MCTP1: variants seen among roughly 807,000 people sequenced by gnomAD.
The protein encoded by MCTP1 is multiple C2 and transmembrane domain-containing protein 1.
A neutral mutation model predicts 120.6 loss-of-function variants in MCTP1; 69 were observed. The observed-to-expected ratio is 0.57, with a 90% CI of 0.47 to 0.70. The LOEUF (loss-of-function observed/expected upper bound fraction) is 0.70, where lower values mean the gene tolerates loss of function less well. Among genes scored for constraint, MCTP1 ranks in the 30% least tolerant of loss-of-function variants. The probability of loss-of-function intolerance (pLI) is 0.00; values close to 1 mark genes in which losing one functional copy is unlikely to be tolerated. For missense variants in MCTP1, 1,203 were observed against 1,248.8 expected (o/e 0.96, Z 0.55); for synonymous variants, 529 against 493.1 (o/e 1.07, Z -0.96).
At chr5:94,909,538 T>G (rs1397164205) in intron 9 of MCTP1, among the ~76,000 whole-genome samples, 157 bp from the exon 10 acceptor site, 1 of 152,100 alleles carries the variant, frequency 6.6e-6, no homozygotes, top group Non-Finnish European at 1.5e-5. Flanking sequence ...AATAACTCAT[T>G]AGATCTCCAG....
At chr5:94,724,053 C>T (rs1580324673) in intron 19 of MCTP1, among the ~76,000 whole-genome samples, 1 of 152,120 alleles carries the variant, frequency 6.6e-6, no homozygotes, top group Non-Finnish European at 1.5e-5. Flanking sequence ...GTCAGAAACA[C>T]AAATGACATA....
intron 9 of MCTP1, among the ~76,000 whole-genome samples, chr5:94,910,132 G>GTA (rs200147336): frequency 0.024 from 3,342 of 138,920 alleles, 124 homozygotes; most frequent in African/African-American, 0.08. Flanking sequence ...ATGTATACAT[G>GTA]TATATATGTA....
intron 2 of MCTP1, among the ~76,000 whole-genome samples, chr5:94,957,124 A>G (rs1377327478): frequency 6.6e-6 from 1 of 152,210 alleles, no homozygotes; most frequent in Admixed American, 6.5e-5. Context: ...ACATTCTTAA[A>G]GAAAGGAATT....
intron 17 of MCTP1, among the ~76,000 whole-genome samples, chr5:94,829,893 TTCTA>T (rs1788141497): frequency 6.6e-6 from 1 of 152,212 alleles, no homozygotes; most frequent in Admixed American, 6.5e-5. Context: ...CACTATAAAC[TTCTA>T]TCTCTCTTCT....
intron 2 of MCTP1, among the ~76,000 whole-genome samples, chr5:94,962,874 A>C (rs1034248405): frequency 6.6e-6 from 1 of 152,156 alleles, no homozygotes; most frequent in African/African-American, 2.4e-5. Context: ...GGAAATAAAA[A>C]AGAAATAGAT....
intron 1 of MCTP1, among the ~76,000 whole-genome samples, chr5:95,110,526 A>G (rs1757378195): frequency 2.0e-5 from 3 of 152,162 alleles, no homozygotes; most frequent in Admixed American, 1.3e-4. Flanking sequence ...ATGTTATGTG[A>G]GTTAAAATAA....
At chr5:95,239,549 C>T (rs1227165803) in intron 1 of MCTP1, among the ~76,000 whole-genome samples, 1 of 152,064 alleles carries the variant, frequency 6.6e-6, no homozygotes, top group African/African-American at 2.4e-5. Context: ...AGGAGTCATT[C>T]CTAGAGGTCT....
chr5:94,861,429 A>G (rs914033710), intron 17 of MCTP1, among the ~76,000 whole-genome samples: 8 of 151,828 alleles, frequency 5.3e-5, no homozygotes, highest in African/African-American at 1.7e-4. Flanking sequence ...CTTAATTTTT[A>G]CCTGATAGAA....
intron 4 of MCTP1, among the ~76,000 whole-genome samples, chr5:94,941,510 T>C (rs993081055): frequency 2.6e-5 from 4 of 151,988 alleles, no homozygotes; most frequent in African/African-American, 9.7e-5. Context: ...TTTACAGAAA[T>C]AGAAAGTAGT....
At chr5:94,809,820 G>C (rs79420321) in intron 17 of MCTP1, among the ~76,000 whole-genome samples, 1 of 152,208 alleles carries the variant, frequency 6.6e-6, no homozygotes, top group African/African-American at 2.4e-5. Flanking sequence ...ATGAGTTAAC[G>C]CTGTTAAACT....
At chr5:94,987,479 CAG>C (rs1179456536) in intron 2 of MCTP1, among the ~76,000 whole-genome samples, 1 of 152,152 alleles carries the variant, frequency 6.6e-6, no homozygotes, top group Non-Finnish European at 1.5e-5. Flanking sequence ...AGATGTTCTG[CAG>C]AGTTTTCATG....
chr5:94,751,896 G>A (rs1768423966), intron 19 of MCTP1, among the ~76,000 whole-genome samples: 2 of 148,544 alleles, frequency 1.3e-5, no homozygotes, highest in Admixed American at 6.8e-5. Flanking sequence ...CTCATAGATG[G>A]GAATTGAACA....
chr5:94,804,685 G>A (rs932051241), intron 17 of MCTP1, among the ~76,000 whole-genome samples: 5 of 152,084 alleles, frequency 3.3e-5, no homozygotes, highest in South Asian at 2.1e-4. Context: ...TGATCTGCCC[G>A]CCTCGGCCTC....
intron 10 of MCTP1, among the ~76,000 whole-genome samples, chr5:94,897,223 T>G (rs1310528183): frequency 9.6e-5 from 14 of 146,136 alleles, no homozygotes; most frequent in African/African-American, 3.7e-4. Context: ...CCACCAGGCC[T>G]GGCTAATTTT....
intron 1 of MCTP1, among the ~76,000 whole-genome samples, chr5:95,112,505 A>T (rs935239971): frequency 2.0e-5 from 3 of 152,236 alleles, no homozygotes; most frequent in African/African-American, 4.8e-5. Context: ...TTTAACTTCC[A>T]TTTGAAGTCT....
intron 1 of MCTP1, among the ~76,000 whole-genome samples, chr5:95,155,100 C>T (rs1744961907): frequency 6.6e-6 from 1 of 152,060 alleles, no homozygotes; most frequent in Admixed American, 6.5e-5. Flanking sequence ...ATCAAATTTG[C>T]CTTTTTAGCC....
intron 18 of MCTP1, chr5:94,793,478 T>C (rs188440723): frequency 1.1e-4 from 16 of 152,328 alleles, no homozygotes; most frequent in Admixed American, 7.8e-4. Flanking sequence ...ATCATCCATT[T>C]TTAGATGTGT....
intron 1 of MCTP1, among the ~76,000 whole-genome samples, chr5:95,218,313 A>G (rs1344555472): frequency 6.6e-6 from 1 of 152,202 alleles, no homozygotes; most frequent in Non-Finnish European, 1.5e-5. Context: ...GTTCAACACT[A>G]CATACCCAGT....
intron 5 of MCTP1, among the ~76,000 whole-genome samples, chr5:94,933,099 G>A (rs1161156970): frequency 1.3e-5 from 2 of 151,652 alleles, no homozygotes; most frequent in African/African-American, 4.8e-5. Flanking sequence ...ATAATTATAT[G>A]TTCCTCCTTA....
Sources: allele counts gnomAD v4.1 joint callset (sites outside exome capture counted in the v4.1 genomes callset), GRCh38; gene constraint gnomAD v4.1.1; transcripts MANE v1.5; gene names NCBI Gene and HGNC (gene_info 2026-07-23, HGNC 2026-07-21).